Variants in TPRG1 observed in about 807,000 individuals in gnomAD.
TPRG1 encodes the protein tumor protein p63-regulated gene 1 protein.
In TPRG1, 29 loss-of-function variants were observed where a neutral mutation model predicts 29.3. The observed-to-expected ratio is 0.99, with a 90% CI of 0.74 to 1.35. The LOEUF (loss-of-function observed/expected upper bound fraction) is 1.35, where lower values mean the gene tolerates loss of function less well. Among genes scored for constraint, TPRG1 ranks in the 40% most tolerant of loss-of-function variants. The probability of loss-of-function intolerance (pLI) is 0.00; values close to 1 mark genes in which losing one functional copy is unlikely to be tolerated. For synonymous variants in TPRG1, 130 were observed against 116.8 expected, an observed-to-expected ratio of 1.11 and a Z score of -0.73; for missense variants, 327 against 335.0, an observed-to-expected ratio of 0.98 and a Z score of 0.19.
rs1192344596 is a variant in TPRG1, at chr3:189,320,683, A to G, written c.691A>G (p.Thr231Ala). 1 of 1,612,658 alleles carries G rather than the reference A, an allele frequency of 6.2e-7. No homozygotes were observed. Among genetic ancestry groups the G allele is most frequent in the Non-Finnish European group, 8.5e-7 (1 of 1,179,266 alleles). Residue 231 changes from threonine (T) to alanine (A), a missense_variant, in exon 6 of 6, where the codon ACT becomes GCT. Thr to Ala is a moderately conservative substitution (Grantham distance 58). Coordinates refer to ENST00000345063, the MANE Select transcript of TPRG1 (RefSeq NM_198485.4). ...TATCCAGAATGCCCACAAGAATTCA[A>G]CTGGATCTGGAAGAGGAAAGAAACT... ...PAIQNAHKNSTGSGRGKKLMV... is the reference protein window; with the variant it reads ...PAIQNAHKNSAGSGRGKKLMV...
At position 189,310,410 on chromosome 3, in the gene TPRG1, C is replaced by T. The variant is rs770756609; in HGVS notation, c.504C>T (p.Ile168=). 6.2e-7 allele frequency: 1 copy of T among 1,608,802 alleles called. No individual in the cohort carries two copies. The highest frequency in any genetic ancestry group is 8.5e-7 in the Non-Finnish European group (1 of 1,177,054). The change falls in exon 5 of 6, where the codon ATC becomes ATT. Residue 168 remains isoleucine (I), a synonymous_variant. Coordinates refer to ENST00000345063, the MANE Select transcript of TPRG1 (RefSeq NM_198485.4). Reference sequence around the variant, plus strand: ...GGAGACAAGGAGAAGGCCTTAGGATCTACTGGGGGAGTCCGGAGGAGCAGT... The same window carrying T: ...GGAGACAAGGAGAAGGCCTTAGGATTTACTGGGGGAGTCCGGAGGAGCAGT... ...LDKRQGEGLR[I]YWGSPEEQSL...
chr3:189,006,416 G>A (rs571512100), intron 3 of TPRG1, among the ~76,000 whole-genome samples: 8 of 152,262 alleles, frequency 5.3e-5, no homozygotes, highest in Middle Eastern at 3.4e-3. Flanking sequence ...AGAAGGTAGC[G>A]GTGTCCAGAG....
intron 3 of TPRG1, among the ~76,000 whole-genome samples, chr3:189,220,239 T>C (rs1206117029): frequency 1.3e-5 from 2 of 151,776 alleles, no homozygotes; most frequent in African/African-American, 2.4e-5. Context: ...TCATTAGATG[T>C]TTACTATTCT....
At chr3:189,286,924 A>C (rs1040956454) in intron 4 of TPRG1, among the ~76,000 whole-genome samples, 1 of 152,026 alleles carries the variant, frequency 6.6e-6, no homozygotes, top group African/African-American at 2.4e-5. Flanking sequence ...CCTCTTTTTC[A>C]CTTGGGTCAG....
At chr3:189,100,677 A>G (rs1170144257) in intron 1 of TPRG1, among the ~76,000 whole-genome samples, 1 of 152,226 alleles carries the variant, frequency 6.6e-6, no homozygotes, top group Non-Finnish European at 1.5e-5. Context: ...AGGGTGGTAC[A>G]GAAAGCACAG....
upstream of TPRG1, among the ~76,000 whole-genome samples, chr3:189,170,914 T>C (rs140119690): frequency 3.7e-4 from 56 of 152,322 alleles, no homozygotes; most frequent in African/African-American, 1.3e-3. Flanking sequence ...GCACACCCGT[T>C]CCTCCAGCCA....
rs528717277 is a variant in TPRG1, at chr3:189,270,846, G to A, written c.479+31937G>A. Among the ~76,000 whole-genome samples, 19 of 152,118 alleles carry A rather than the reference G, an allele frequency of 1.2e-4. No homozygotes were observed. In the South Asian group the frequency reaches 3.5e-3, roughly 28 times the overall value. On this transcript the variant is annotated intron_variant, in intron 4 of 5. Transcript: ENST00000345063. ...TTTACCTGAGATGAAACACAGATCC[G>A]TATGACATTGAAACATGTTTTTTCC...
At chr3:189,131,364 C>T (rs987746027) in intron 2 of TPRG1, among the ~76,000 whole-genome samples, 49 of 151,950 alleles carry the variant, frequency 3.2e-4, no homozygotes, top group Non-Finnish European at 2.9e-4. Context: ...CGTGTATATA[C>T]GTGTATCTAT....
chr3:189,014,459 C>T (rs542146259), intron 3 of TPRG1, among the ~76,000 whole-genome samples: 1 of 152,102 alleles, frequency 6.6e-6, no homozygotes, highest in African/African-American at 2.4e-5. Context: ...TTATTTCGAC[C>T]TTGGTGAATG....
chr3:189,067,532 T>C (rs564821910), intron 4 of TPRG1, among the ~76,000 whole-genome samples: 1 of 152,282 alleles, frequency 6.6e-6, no homozygotes, highest in South Asian at 2.1e-4. Context: ...TGCAGTGAAC[T>C]CTTTCTCAAC....
chr3:189,269,917 G>A (rs1468035015), intron 4 of TPRG1, among the ~76,000 whole-genome samples: 1 of 152,210 alleles, frequency 6.6e-6, no homozygotes, highest in East Asian at 1.9e-4. Context: ...AACATGCTCT[G>A]TGGAAACATG....
chr3:189,027,506 A>G (rs1309109562), intron 4 of TPRG1, among the ~76,000 whole-genome samples: 1 of 152,274 alleles, frequency 6.6e-6, no homozygotes, highest in African/African-American at 2.4e-5. Flanking sequence ...ATGTAGAAAT[A>G]TAAATACACG....
At chr3:189,233,833 C>A (rs1739045023) in intron 3 of TPRG1, among the ~76,000 whole-genome samples, 1 of 151,956 alleles carries the variant, frequency 6.6e-6, no homozygotes, top group South Asian at 2.1e-4. Context: ...GTGATTAGGG[C>A]CACAACTGAA....
intron 4 of TPRG1, among the ~76,000 whole-genome samples, chr3:189,042,484 G>T (rs1233831412): frequency 6.6e-6 from 1 of 152,072 alleles, no homozygotes; most frequent in African/African-American, 2.4e-5. Context: ...GCCAATCCTG[G>T]TTAATTATGG....
At chr3:189,223,365 T>TGTTAGATA (rs1737222585) in intron 3 of TPRG1, among the ~76,000 whole-genome samples, 1 of 152,226 alleles carries the variant, frequency 6.6e-6, no homozygotes. Context: ...AAGATGTTAA[T>TGTTAGATA]GACCTGTGGC....
intron 4 of TPRG1, among the ~76,000 whole-genome samples, chr3:189,260,453 T>C (rs1712803859): frequency 6.6e-6 from 1 of 152,222 alleles, no homozygotes; most frequent in South Asian, 2.1e-4. Flanking sequence ...TATATTAGTG[T>C]AGCAATTTTC....
At chr3:189,162,149 T>C (rs544669679) in intron 5 of TPRG1, among the ~76,000 whole-genome samples, 198 of 152,068 alleles carry the variant, frequency 1.3e-3, no homozygotes, top group African/African-American at 4.3e-3. Context: ...CCTGCCACCA[T>C]GCCTGGCTAA....
intron 4 of TPRG1, among the ~76,000 whole-genome samples, chr3:189,250,838 T>G (rs931083863): frequency 1.5e-4 from 23 of 150,836 alleles, no homozygotes; most frequent in African/African-American, 5.4e-4. Flanking sequence ...TGTCTTTACC[T>G]CCCTTGTGCT....
intron 1 of TPRG1, among the ~76,000 whole-genome samples, chr3:189,173,053 T>C (rs1729016654): frequency 6.6e-6 from 1 of 152,260 alleles, no homozygotes; most frequent in Non-Finnish European, 1.5e-5. Flanking sequence ...CTCATTGTTC[T>C]ACAGTTTTAA....
Sources: allele counts gnomAD v4.1 joint callset (sites outside exome capture counted in the v4.1 genomes callset), GRCh38; gene constraint gnomAD v4.1.1; transcripts MANE v1.5; gene names NCBI Gene and HGNC (gene_info 2026-07-23, HGNC 2026-07-21).